Variants in DNAAF4 observed in about 807,000 individuals in gnomAD.
DNAAF4 encodes dynein axonemal assembly factor 4.
Under a neutral mutation model 51.8 loss-of-function variants are expected in DNAAF4, and 43 were observed. The ratio of observed to expected loss-of-function variants is 0.83; its 90% CI spans 0.65 to 1.07. The LOEUF (loss-of-function observed/expected upper bound fraction) is 1.07. Ranked by LOEUF, DNAAF4 falls within the 50% of genes least tolerant of loss-of-function variation. The pLI, the probability that DNAAF4 is intolerant of heterozygous loss-of-function variation, is 0.00. For missense variants in DNAAF4, 581 were observed against 493.0 expected (o/e 1.18, Z -1.69); for synonymous variants, 194 against 165.6 (o/e 1.17, Z -1.32).
chr15:55,504,126 C>A (rs2058713987), intron 1 of DNAAF4, among the ~76,000 whole-genome samples: 1 of 152,074 alleles, frequency 6.6e-6, no homozygotes, highest in Admixed American at 6.5e-5. Context: ...TCCTATACAC[C>A]ATTAACAGAC....
intron 6 of DNAAF4, 60 bp from the exon 7 acceptor site, chr15:55,439,641 T>C: frequency 6.9e-7 from 1 of 1,446,272 alleles, no homozygotes; most frequent in Non-Finnish European, 9.5e-7. Flanking sequence ...TAACATTTCC[T>C]TTTAGATTTT....
intron 4 of DNAAF4, among the ~76,000 whole-genome samples, chr15:55,482,794 A>G (rs1318157108): frequency 6.6e-6 from 1 of 152,238 alleles, no homozygotes; most frequent in East Asian, 1.9e-4. Flanking sequence ...ATTTTCACCA[A>G]CTGATGAATG....
At chr15:55,448,825 G>A (rs1473164244) in intron 6 of DNAAF4, among the ~76,000 whole-genome samples, 1 of 151,162 alleles carries the variant, frequency 6.6e-6, no homozygotes, top group African/African-American at 2.4e-5. Context: ...AGCGGAGACT[G>A]CGCCACTGCA....
intron 4 of DNAAF4, among the ~76,000 whole-genome samples, chr15:55,478,865 A>T (rs1009652317): frequency 8.5e-5 from 13 of 152,116 alleles, no homozygotes; most frequent in African/African-American, 3.1e-4. Context: ...ACTTTGTATT[A>T]AAAGAAGCCA....
chr15:55,428,481 TTTC>T, downstream of DNAAF4, among the ~76,000 whole-genome samples: 1 of 138,300 alleles, frequency 7.2e-6, no homozygotes, highest in Non-Finnish European at 1.5e-5. Flanking sequence ...CTGTCTTTTT[TTTC>T]TTTTTTTTTT....
chr15:55,451,611 AATAAT>A (rs1202430316), intron 5 of DNAAF4, among the ~76,000 whole-genome samples: 1 of 118,590 alleles, frequency 8.4e-6, no homozygotes, highest in Non-Finnish European at 1.8e-5. Context: ...AAATTTTGTG[AATAAT>A]ATCTTTTTTT....
intron 5 of DNAAF4, among the ~76,000 whole-genome samples, chr15:55,460,907 G>A (rs187166992): frequency 6.6e-6 from 1 of 151,652 alleles, no homozygotes; most frequent in African/African-American, 2.4e-5. Flanking sequence ...TGGGATTACA[G>A]GCCCCCGCCA....
At chr15:55,450,074 A>C (rs1171688817) in intron 6 of DNAAF4, 148 bp downstream of exon 6, 1 of 975,838 alleles carries the variant, frequency 1.0e-6, no homozygotes, top group African/African-American at 1.7e-5. Flanking sequence ...ATATTTTCTC[A>C]TAAGGAAATT....
At chr15:55,421,935 AATAATAAT>A (rs2057391998) in intron 7 of DNAAF4, among the ~76,000 whole-genome samples, 1 of 147,244 alleles carries the variant, frequency 6.8e-6, no homozygotes, top group Admixed American at 6.8e-5. Flanking sequence ...TAATAATAAT[AATAATAAT>A]AAAGGTCCCA....
rs1308097434 is a variant in DNAAF4 at position 55,498,520 on chromosome 15, T to C, written c.-191A>G. The C allele has an allele frequency of 1.6e-6, 1 of 637,738 alleles. No individual in the cohort carries two copies. Among genetic ancestry groups the C allele is most frequent in the Non-Finnish European group, 2.5e-6 (1 of 405,014 alleles). 39.5% of individuals were successfully genotyped at this position (637,738 alleles called of 1,614,324 possible). On this transcript the variant is annotated 5_prime_UTR_variant, in exon 2 of 10. Transcript: ENST00000321149. ...CTATCCAGGCGCCCAGACCAGAGAGTGATGCCGATTCTTGGGGTTACCTTA... is the reference window on the plus strand; with the variant it reads ...CTATCCAGGCGCCCAGACCAGAGAGCGATGCCGATTCTTGGGGTTACCTTA...
intron 3 of DNAAF4, among the ~76,000 whole-genome samples, chr15:55,495,398 C>T (rs1595957168): frequency 1.4e-5 from 2 of 147,406 alleles, no homozygotes; most frequent in South Asian, 4.3e-4. Context: ...TCTTTCTACC[C>T]TCAAGAGTCC....
chr15:55,498,756 T>C (rs1421498037), intron 1 of DNAAF4, among the ~76,000 whole-genome samples, 172 bp from the exon 2 acceptor site: 4 of 151,280 alleles, frequency 2.6e-5, no homozygotes, highest in Admixed American at 6.6e-5. Flanking sequence ...AAATACAAAA[T>C]TAGCCGGGCG....
intron 4 of DNAAF4, among the ~76,000 whole-genome samples, chr15:55,482,741 T>G (rs1013908957): frequency 6.6e-6 from 1 of 152,116 alleles, no homozygotes; most frequent in Non-Finnish European, 1.5e-5. Flanking sequence ...TGAATGGTCA[T>G]AGTAGTACTA....
intron 4 of DNAAF4, among the ~76,000 whole-genome samples, chr15:55,476,010 G>A (rs1190107098): frequency 6.6e-6 from 1 of 152,126 alleles, no homozygotes; most frequent in African/African-American, 2.4e-5. Flanking sequence ...ACAATGAAAT[G>A]ACATGTTCAA....
intron 4 of DNAAF4, among the ~76,000 whole-genome samples, chr15:55,480,379 A>G (rs938676213): frequency 2.0e-5 from 3 of 152,168 alleles, no homozygotes; most frequent in African/African-American, 7.2e-5. Context: ...GGGCCACTGT[A>G]GCAGGGACCT....
chr15:55,491,299 T>A lies in DNAAF4; in HGVS notation c.272-43A>T, dbSNP rs1020994284. ...TTGCTAAATTAGAATTATGACAAAT[T>A]TGCTTTACTTATGAGAAAACTACTT... On this transcript the variant is annotated intron_variant, in intron 3 of 9. Transcript: ENST00000321149. 11 of 1,575,162 alleles carry A rather than the reference T, an allele frequency of 7.0e-6. No individual in the cohort carries two copies. In the African/African-American group the frequency reaches 1.5e-4, roughly 21 times the overall value.
chr15:55,497,889 G>C (rs2058661978), intron 2 of DNAAF4, 30 bp from the exon 3 acceptor site: 1 of 1,572,356 alleles, frequency 6.4e-7, no homozygotes, highest in South Asian at 1.2e-5. Context: ...CAGAAACTAA[G>C]TTAGTTACAC....
At chr15:55,460,053 TA>T (rs1462304868) in intron 5 of DNAAF4, among the ~76,000 whole-genome samples, 3 of 151,668 alleles carry the variant, frequency 2.0e-5, no homozygotes, top group East Asian at 1.9e-4. Context: ...CAACAACAGT[TA>T]AAAAAGATAA....
chr15:55,477,814 C>G (rs895644229), intron 4 of DNAAF4, among the ~76,000 whole-genome samples: 1 of 151,856 alleles, frequency 6.6e-6, no homozygotes, highest in African/African-American at 2.4e-5. Flanking sequence ...CCTATAAATC[C>G]CAGCACTTCA....
Sources: allele counts gnomAD v4.1 joint callset (sites outside exome capture counted in the v4.1 genomes callset), GRCh38; gene constraint gnomAD v4.1.1; transcripts MANE v1.5; gene names NCBI Gene and HGNC (gene_info 2026-07-23, HGNC 2026-07-21).